The following UBE3A variants were observed in gnomAD, a reference collection of about 807,000 sequenced individuals.
UBE3A encodes ubiquitin-protein ligase E3A.
A neutral mutation model predicts 83.4 loss-of-function variants in UBE3A; 6 were observed. That is an observed-to-expected ratio of 0.07 (90% CI 0.04 to 0.14). The LOEUF (loss-of-function observed/expected upper bound fraction) is 0.14, where lower values mean the gene tolerates loss of function less well. Ranked by LOEUF, UBE3A falls within the 10% of genes least tolerant of loss-of-function variation. The pLI is 1.00. For synonymous variants in UBE3A, 337 were observed against 355.4 expected (o/e 0.95, Z 0.58); for missense variants, 456 against 1,036.1 (o/e 0.44, Z 7.69).
chr15:25,367,224 C>CATATTTGTAAATATGTAAATATTT (rs2079364863), intron 6 of UBE3A, among the ~76,000 whole-genome samples: 2 of 81,320 alleles, frequency 2.5e-5, no homozygotes, highest in African/African-American at 1.2e-4. Context: ...TAAATATTTA[C>CATATTTGTAAATATGTAAATATTT]ATATTTGTAA....
intron 1 of UBE3A, among the ~76,000 whole-genome samples, chr15:25,420,340 T>A (rs1889164300): frequency 6.6e-6 from 1 of 152,036 alleles, no homozygotes. Context: ...GACACAACTT[T>A]AAAGACTTTG....
At chr15:25,414,008 T>C (rs1029429246) in intron 1 of UBE3A, among the ~76,000 whole-genome samples, 1 of 152,182 alleles carries the variant, frequency 6.6e-6, no homozygotes, top group Non-Finnish European at 1.5e-5. Context: ...ATGTCATCCA[T>C]TCCCATAGCA....
chr15:25,387,013 C>T (rs1415218468), intron 4 of UBE3A, among the ~76,000 whole-genome samples: 1 of 152,050 alleles, frequency 6.6e-6, no homozygotes, highest in Admixed American at 6.5e-5. Flanking sequence ...TTTTATTTTT[C>T]TTATACTTAA....
chr15:25,403,762 A>G (rs994883125), intron 4 of UBE3A, among the ~76,000 whole-genome samples: 1 of 152,218 alleles, frequency 6.6e-6, no homozygotes, highest in Non-Finnish European at 1.5e-5. Flanking sequence ...ATAAAACATT[A>G]TTCAGCCTGA....
rs1596516324 is a variant in UBE3A, at chr15:25,433,035, G to A, written c.-165+5454C>T. ...TGCCATTGATCAGATTAACACAACA[G>A]GTCTGGTACAGCAAATTACAAAAGA... On this transcript the variant is annotated intron_variant, in intron 1 of 12. Coordinates refer to ENST00000648336, the MANE Select transcript of UBE3A (RefSeq NM_130839.5). Among the ~76,000 whole-genome samples the A allele has an allele frequency of 4.6e-5, 7 of 152,104 alleles. 1 individual carries two copies. Among genetic ancestry groups the A allele is most frequent in the Admixed American group, 4.6e-4 (7 of 15,272 alleles).
chr15:25,427,605 A>G (rs1596468056), intron 1 of UBE3A, among the ~76,000 whole-genome samples: 1 of 33,894 alleles, frequency 3.0e-5, no homozygotes, highest in South Asian at 1.8e-3. Flanking sequence ...ATCTCTACAA[A>G]AAAAAAAAAA....
At chr15:25,361,012 G>C (rs976739635) in intron 6 of UBE3A, among the ~76,000 whole-genome samples, 2 of 151,888 alleles carry the variant, frequency 1.3e-5, no homozygotes, top group African/African-American at 2.4e-5. Context: ...AGCAGTTTAT[G>C]GTCTCTCACA....
At chr15:25,358,510 A>G (rs2152715192) in intron 7 of UBE3A, among the ~76,000 whole-genome samples, 1 of 152,358 alleles carries the variant, frequency 6.6e-6, no homozygotes, top group South Asian at 2.1e-4. Flanking sequence ...TCATTTTACT[A>G]CATGTTTAGT....
chr15:25,368,573 T>A (rs1443000952), intron 6 of UBE3A, among the ~76,000 whole-genome samples: 1 of 152,078 alleles, frequency 6.6e-6, no homozygotes, highest in Non-Finnish European at 1.5e-5. Flanking sequence ...GCTGGCAATA[T>A]TCAAGTACAT....
At chr15:25,395,300 G>GT in intron 4 of UBE3A, among the ~76,000 whole-genome samples, 1 of 152,226 alleles carries the variant, frequency 6.6e-6, no homozygotes, top group South Asian at 2.1e-4. Context: ...AAATAACATG[G>GT]TTTAACTCAG....
At chr15:25,373,121 A>T (rs1448372758) in intron 5 of UBE3A, among the ~76,000 whole-genome samples, 1 of 152,220 alleles carries the variant, frequency 6.6e-6, no homozygotes, top group African/African-American at 2.4e-5. Context: ...CTTTTGCTAA[A>T]CATCAGTAAC....
At chr15:25,407,174 C>A (rs1229023982) in intron 3 of UBE3A, 1 of 1,344,210 alleles carries the variant, frequency 7.4e-7, no homozygotes, top group Non-Finnish European at 9.8e-7. Flanking sequence ...CCAGCTGACT[C>A]ATTTTTGAAA....
chr15:25,360,279 T>C (rs1595654012), intron 7 of UBE3A, 104 bp downstream of exon 7: 1 of 1,510,314 alleles, frequency 6.6e-7, no homozygotes, highest in East Asian at 2.4e-5. Flanking sequence ...ACCAAATCCT[T>C]CTTTTGCTGC....
intron 1 of UBE3A, among the ~76,000 whole-genome samples, chr15:25,423,492 AC>A (rs774626713): frequency 9.2e-5 from 14 of 152,190 alleles, no homozygotes; most frequent in Non-Finnish European, 1.9e-4. Context: ...ATTGAAAACA[AC>A]CGAATTTCCA....
chr15:25,394,505 T>C (rs2085112041), intron 4 of UBE3A, among the ~76,000 whole-genome samples: 1 of 152,208 alleles, frequency 6.6e-6, no homozygotes, highest in Non-Finnish European at 1.5e-5. Context: ...ACTTGACCCA[T>C]AAATGCTTAT....
At chr15:25,398,167 C>CA (rs71127052) in intron 4 of UBE3A, among the ~76,000 whole-genome samples, 1,684 of 99,050 alleles carry the variant, frequency 0.017, 50 homozygotes, top group African/African-American at 0.033. Context: ...GACTCTGTCT[C>CA]AAAAAAAAAA....
intron 1 of UBE3A, among the ~76,000 whole-genome samples, chr15:25,425,912 TAC>T (rs763091105): frequency 2.0e-5 from 3 of 152,182 alleles, no homozygotes; most frequent in Non-Finnish European, 2.9e-5. Context: ...AAATCTGGGC[TAC>T]ACAGTCATAC....
chr15:25,412,895 A>G (rs1246994429), intron 1 of UBE3A: 3 of 298,112 alleles, frequency 1.0e-5, no homozygotes, highest in Non-Finnish European at 2.0e-5. Flanking sequence ...CTTGGGCTCT[A>G]CTCGCAAAGA....
intron 6 of UBE3A, among the ~76,000 whole-genome samples, chr15:25,365,213 T>C (rs547072510): frequency 1.3e-5 from 2 of 152,206 alleles, no homozygotes; most frequent in South Asian, 4.1e-4. Flanking sequence ...TGACCTGATA[T>C]CAAAGCATTT....
Sources: allele counts gnomAD v4.1 joint callset (sites outside exome capture counted in the v4.1 genomes callset), GRCh38; gene constraint gnomAD v4.1.1; transcripts MANE v1.5; gene names NCBI Gene and HGNC (gene_info 2026-07-23, HGNC 2026-07-21).